TTC34: variants seen among roughly 807,000 people sequenced by gnomAD.
The protein encoded by TTC34 is tetratricopeptide repeat protein 34.
A neutral mutation model predicts 40.7 loss-of-function variants in TTC34; 44 were observed. The observed-to-expected ratio is 1.08, with a 90% confidence interval of 0.85 to 1.39. The LOEUF (loss-of-function observed/expected upper bound fraction) is 1.39, where lower values mean the gene tolerates loss of function less well. TTC34 is among the 40% of genes most tolerant of loss of function. The pLI, the probability that TTC34 is intolerant of heterozygous loss-of-function variation, is 0.00. For missense variants in TTC34, 884 were observed against 838.0 expected, an observed-to-expected ratio of 1.05 and a Z score of -0.68; for synonymous variants, 422 against 398.6, an observed-to-expected ratio of 1.06 and a Z score of -0.70.
chr1:2,752,097 C>G (rs1242969317), intron 6 of TTC34, among the ~76,000 whole-genome samples: 1 of 95,536 alleles, frequency 1.0e-5, no homozygotes, highest in Non-Finnish European at 2.0e-5. Flanking sequence ...CACCTTCAGG[C>G]GAGCATCGGA....
rs1641369085 is a variant in TTC34, at chr1:2,752,834, A to T, written c.2226+30775T>A. Among the ~76,000 whole-genome samples the T allele has an allele frequency of 3.4e-5, 5 of 147,446 alleles. 1 individual carries two copies. Among genetic ancestry groups the T allele is most frequent in the East Asian group, 2.1e-4 (1 of 4,796 alleles). On this transcript the variant is annotated intron_variant, in intron 6 of 8. Coordinates refer to ENST00000401095, the Ensembl canonical transcript of TTC34. ...CTGCATCCCCAGGTGCGCACCTGACAGACTGGAACAGCACCCACACACCCA... is the reference window on the plus strand; with the variant it reads ...CTGCATCCCCAGGTGCGCACCTGACTGACTGGAACAGCACCCACACACCCA...
intron 6 of TTC34, among the ~76,000 whole-genome samples, chr1:2,656,138 C>T (rs1474924029): frequency 6.6e-6 from 1 of 152,280 alleles, no homozygotes; most frequent in Non-Finnish European, 1.5e-5. Context: ...CCCACAGCCC[C>T]AGGTGAGCAT....
At chr1:2,695,124 G>A (rs1640802734) in intron 6 of TTC34, among the ~76,000 whole-genome samples, 1 of 123,030 alleles carries the variant, frequency 8.1e-6, no homozygotes, top group African/African-American at 2.9e-5. Flanking sequence ...GCCAAGATGA[G>A]CATCTGACAG....
intron 6 of TTC34, among the ~76,000 whole-genome samples, chr1:2,746,547 C>CT (rs2100419074): frequency 3.5e-5 from 1 of 28,512 alleles, no homozygotes. Context: ...GAACAGCACC[C>CT]ACATCCCCAG....
rs1639002922 is a variant in TTC34, at chr1:2,645,490, T to C, written c.2300A>G (p.Lys767Arg). The change falls in exon 7 of 9, where the codon AAG becomes AGG. Residue 767 changes from lysine to arginine, a missense_variant. Transcript: ENST00000401095. The surrounding 1 kb of genome is among the most constrained non-coding windows in gnomAD (Gnocchi z 4.7). The stretch of plus-strand genomic sequence containing the variant: ...TGTGATGAGGGCCTGGGCTTCCGGC[T>C]TCAGAGAGCGGAGCTCAGGGACCAC... 1 of 1,529,900 alleles carries C rather than the reference T, an allele frequency of 6.5e-7. No individual in the cohort carries two copies. 94.8% of individuals were successfully genotyped at this position (1,529,900 alleles called of 1,614,324 possible).
At chr1:2,687,267 C>A (rs562865671) in intron 6 of TTC34, among the ~76,000 whole-genome samples, 6 of 134,058 alleles carry the variant, frequency 4.5e-5, no homozygotes, top group Admixed American at 1.4e-4. Context: ...ATCTGATGGT[C>A]TGGAGCAGCA....
chr1:2,657,419 AC>A (rs1385273729), intron 6 of TTC34, among the ~76,000 whole-genome samples: 3 of 86,692 alleles, frequency 3.5e-5, no homozygotes, highest in East Asian at 2.6e-4. Context: ...CAGTACCAGT[AC>A]CCCCAGGCGA....
chr1:2,753,595 C>T (rs1161994631), intron 6 of TTC34, among the ~76,000 whole-genome samples: 3 of 98,848 alleles, frequency 3.0e-5, no homozygotes, highest in Admixed American at 2.0e-4. Flanking sequence ...GAGCATCTGA[C>T]ATCGTGGAGC....
At chr1:2,667,054 A>C (rs112097784) in intron 6 of TTC34, among the ~76,000 whole-genome samples, 8 of 13,840 alleles carry the variant, frequency 5.8e-4, no homozygotes, top group African/African-American at 1.1e-3. Flanking sequence ...AACGCCCACA[A>C]CCCCAGGCGA....
chr1:2,752,430 A>T (rs1641351790), intron 6 of TTC34, among the ~76,000 whole-genome samples: 1 of 149,340 alleles, frequency 6.7e-6, no homozygotes, highest in African/African-American at 2.5e-5. Context: ...AGCATCTGAC[A>T]GCCTGGAACA....
exon 9 of TTC34, chr1:2,641,603 T>G (rs1557577482): frequency 6.5e-7 from 1 of 1,534,050 alleles, no homozygotes; most frequent in Non-Finnish European, 8.7e-7. Context: ...CTTCAGGGCC[T>G]GGGCAAAGGC....
chr1:2,775,690 G>T (rs1409931352), intron 6 of TTC34: 1 of 147,910 alleles, frequency 6.8e-6, no homozygotes, highest in Non-Finnish European at 1.5e-5. Flanking sequence ...TCATTTGCCA[G>T]CCAGGAACGG....
intron 6 of TTC34, among the ~76,000 whole-genome samples, chr1:2,772,969 C>A (rs558578839): frequency 7.2e-6 from 1 of 138,840 alleles, no homozygotes; most frequent in East Asian, 2.3e-4. Flanking sequence ...CCTGGAGCAG[C>A]ATGCACACCC....
chr1:2,797,864 T>G (rs756999348), intron 2 of TTC34, among the ~76,000 whole-genome samples: 1 of 151,974 alleles, frequency 6.6e-6, no homozygotes, highest in African/African-American at 2.4e-5. Flanking sequence ...TGACCCTCCT[T>G]CTCTGTGCCT....
intron 6 of TTC34, among the ~76,000 whole-genome samples, chr1:2,675,137 G>C (rs1639855030): frequency 1.6e-4 from 1 of 6,366 alleles, no homozygotes; most frequent in Admixed American, 1.9e-3. Flanking sequence ...GTGAGAATCT[G>C]ACAGCCCGTA....
At chr1:2,644,546 G>T in intron 7 of TTC34, 68 bp from the exon 8 acceptor site, 3 of 1,436,518 alleles carry the variant, frequency 2.1e-6, no homozygotes, top group Non-Finnish European at 2.8e-6. Flanking sequence ...GCTGAGACTC[G>T]CTGGCCGCTC....
intron 6 of TTC34, among the ~76,000 whole-genome samples, chr1:2,771,757 T>C (rs1162841090): frequency 7.7e-4 from 52 of 67,862 alleles, no homozygotes; most frequent in South Asian, 1.0e-3. Flanking sequence ...CGGAGCAGCG[T>C]CCACACCCCC....
intron 6 of TTC34, among the ~76,000 whole-genome samples, chr1:2,652,071 G>GCACCCACACCCCCAGGT (rs1557584284): frequency 4.5e-5 from 1 of 22,152 alleles, no homozygotes. Flanking sequence ...ACAGCCTGGA[G>GCACCCACACCCCCAGGT]GAGCACCCAC....
Position 2,789,913 on chromosome 1 carries a change from AG to A in TTC34, c.1217del (p.Pro406LeufsTer36). Reference sequence around the variant, plus strand: ...CGCGGTCCCCTGCACGGTCCCCCGCAGGGTCCTCAGGGCGTGCGGGCCGCAG... The same window carrying A: ...CGCGGTCCCCTGCACGGTCCCCCGCAGGTCCTCAGGGCGTGCGGGCCGCAG... On this transcript the variant is annotated frameshift_variant, in exon 3 of 9. Coordinates refer to ENST00000401095, the Ensembl canonical transcript of TTC34. LOFTEE classifies it high-confidence loss of function. 1 of 395,370 alleles carries A rather than the reference AG, an allele frequency of 2.5e-6. No individual in the cohort carries two copies. Among genetic ancestry groups the A allele is most frequent in the Non-Finnish European group, 4.5e-6 (1 of 223,980 alleles). 24.5% of individuals were successfully genotyped at this position (395,370 alleles called of 1,614,324 possible).
Sources: gnomAD v4.1 joint callset for allele counts (sites outside exome capture counted in the v4.1 genomes callset) on GRCh38, gnomAD v4.1.1 for gene constraint, Gnocchi (gnomAD v3.1) non-coding constraint, MANE v1.5 for transcripts, NCBI Gene and HGNC (gene_info 2026-07-23, HGNC 2026-07-21) for gene names.